Variants in ATP1A1 observed in about 807,000 individuals in gnomAD.
The protein encoded by ATP1A1 is ATPase Na+/K+ transporting subunit alpha 1.
A neutral mutation model predicts 114.8 loss-of-function variants in ATP1A1; 14 were observed. The observed-to-expected ratio is 0.12, with a 90% confidence interval of 0.08 to 0.19. ATP1A1 has a LOEUF of 0.19. Among genes scored for constraint, ATP1A1 ranks in the 10% least tolerant of loss-of-function variants. The probability of loss-of-function intolerance (pLI) is 1.00; values close to 1 mark genes in which losing one functional copy is unlikely to be tolerated. For missense variants in ATP1A1, 524 were observed against 1,290.7 expected, an observed-to-expected ratio of 0.41 and a Z score of 9.10; for synonymous variants, 471 against 466.3, an observed-to-expected ratio of 1.01 and a Z score of -0.13.
chr1:116,376,557 C>T (rs1205043137), intron 1 of ATP1A1, among the ~76,000 whole-genome samples: 3 of 152,180 alleles, frequency 2.0e-5, no homozygotes, highest in African/African-American at 2.4e-5. Flanking sequence ...AGTTGTTCAG[C>T]GTGTAACAGT....
chr1:116,383,190 G>C (rs1401314392), intron 1 of ATP1A1: 1 of 186,082 alleles, frequency 5.4e-6, no homozygotes, highest in East Asian at 1.9e-4. Flanking sequence ...TCCTGCTTAT[G>C]TCAAAACATT....
In ATP1A1 at chr1:116,399,223, A is replaced by G. The variant is rs1162868416; in HGVS notation, c.2448+139A>G. On this transcript the variant is annotated intron_variant, in intron 17 of 22. Transcript: ENST00000295598. This position sits in a 1 kb window ranked among gnomAD's most constrained non-coding sequence, Gnocchi z 5.0. ...GGACCAGTATCCAGTGTGTGTCCCA[A>G]TCCCGGCTTCACAGAATCAGTATTA... 1.4e-6 allele frequency: 2 copies of G among 1,395,918 alleles called. No homozygotes were observed. The highest frequency in any genetic ancestry group is 2.0e-6 in the Non-Finnish European group (2 of 1,017,696). 86.5% of individuals were successfully genotyped at this position (1,395,918 alleles called of 1,614,324 possible). A position where few individuals can be genotyped will look rare whatever the true frequency, so the allele number is the denominator to read the frequency against.
At chr1:116,391,162 C>T (rs932638463) in intron 10 of ATP1A1, among the ~76,000 whole-genome samples, 12 of 152,170 alleles carry the variant, frequency 7.9e-5, no homozygotes, top group African/African-American at 2.9e-4. Flanking sequence ...AGACGGAAGA[C>T]AGTCTTTATT....
intron 1 of ATP1A1, among the ~76,000 whole-genome samples, chr1:116,375,126 TAAAAGA>T (rs1180161474): frequency 1.3e-5 from 2 of 152,150 alleles, no homozygotes; most frequent in African/African-American, 4.8e-5. Context: ...TCTCCTGCCT[TAAAAGA>T]AAAAGAAAAA....
At chr1:116,396,873 C>T (rs899152565) in intron 14 of ATP1A1, 139 bp downstream of exon 14, 2 of 1,071,262 alleles carry the variant, frequency 1.9e-6, no homozygotes, top group Non-Finnish European at 2.5e-6. Flanking sequence ...AGAAAGCAAC[C>T]TTGTCATTCC....
intron 1 of ATP1A1, chr1:116,374,030 C>A: frequency 7.1e-7 from 1 of 1,409,138 alleles, no homozygotes; most frequent in South Asian, 1.6e-5. Flanking sequence ...GGCCTCCTCC[C>A]GGGCCTCCGT....
At position 116,387,261 on chromosome 1, in the gene ATP1A1, C is replaced by T; in HGVS notation, c.184-27C>T. 6.2e-7 allele frequency: 1 copy of T among 1,613,156 alleles called. No homozygotes were observed. Reference sequence around the variant, plus strand: ...GCCTTGTAAGTGCTGGTACAGTTTGCCTTATTTATATTCCACTGCTTCTCA... The same window carrying T: ...GCCTTGTAAGTGCTGGTACAGTTTGTCTTATTTATATTCCACTGCTTCTCA... On this transcript the variant is annotated intron_variant, in intron 3 of 22. Transcript: ENST00000295598. This position sits in a 1 kb window ranked among gnomAD's most constrained non-coding sequence, Gnocchi z 6.7.
intron 12 of ATP1A1, among the ~76,000 whole-genome samples, chr1:116,394,875 A>T (rs78051541): frequency 1.8e-3 from 275 of 152,246 alleles, no homozygotes; most frequent in African/African-American, 6.3e-3. Flanking sequence ...AACAATTTCC[A>T]ATTCCTTTGA....
chr1:116,381,701 C>T lies in ATP1A1; in HGVS notation c.13-2313C>T, dbSNP rs541643047. Among the ~76,000 whole-genome samples the T allele has an allele frequency of 4.6e-5, 7 of 152,252 alleles. No homozygotes were observed. In the East Asian group the frequency reaches 1.4e-3, roughly 29 times the overall value. The stretch of plus-strand genomic sequence containing the variant: ...TGTAAGTGGGGGTAAAACTTTGGAA[C>T]GTGTTCAAAGCCTAGCTGCTCTAGT... On this transcript the variant is annotated intron_variant, in intron 1 of 22. Transcript: ENST00000295598. The surrounding 1 kb of genome is among the most constrained non-coding windows in gnomAD (Gnocchi z 5.1).
chr1:116,400,497 A>C (rs1653362834), intron 18 of ATP1A1, among the ~76,000 whole-genome samples: 1 of 152,306 alleles, frequency 6.6e-6, no homozygotes, highest in East Asian at 1.9e-4. Flanking sequence ...GATGGAAAAG[A>C]AGTTATCATT....
intron 1 of ATP1A1, among the ~76,000 whole-genome samples, chr1:116,380,899 T>C (rs1184531003): frequency 6.6e-6 from 1 of 152,096 alleles, no homozygotes; most frequent in African/African-American, 2.4e-5. Flanking sequence ...TTGCTGTGAC[T>C]TTCCACTTCC....
Position 116,390,668 on chromosome 1 carries a change from T to A in ATP1A1, c.1223-114T>A, listed in dbSNP as rs186048994. 4.4e-5 allele frequency: 42 copies of A among 949,756 alleles called. 1 individual carries two copies. In the East Asian group the frequency reaches 1.0e-3, roughly 23 times the overall value. The allele number at this position is 949,756 out of a possible 1,614,324, so 58.8% of individuals were successfully genotyped here. ...CTAAAATGTGATTGGTTTCATTAATTGGGAAATGAGATGTATCACTGCAGA... is the reference window on the plus strand; with the variant it reads ...CTAAAATGTGATTGGTTTCATTAATAGGGAAATGAGATGTATCACTGCAGA... On this transcript the variant is annotated intron_variant, in intron 9 of 22. Transcript: ENST00000295598.
chr1:116,401,672 G>T lies in ATP1A1; in HGVS notation c.2951+17G>T, dbSNP rs1653491758. On this transcript the variant is annotated intron_variant, in intron 21 of 22. Coordinates refer to ENST00000295598, the MANE Select transcript of ATP1A1 (RefSeq NM_000701.8). The surrounding 1 kb of genome is among the most constrained non-coding windows in gnomAD (Gnocchi z 4.7). ...TCCCCTCAAGTAAGTTGATCCTCTG[G>T]TAGCTCCAAAAAGTATGAAATAGTA... 2.5e-6 allele frequency: 4 copies of T among 1,606,172 alleles called. No homozygotes were observed. Among genetic ancestry groups the T allele is most frequent in the Non-Finnish European group, 3.4e-6 (4 of 1,173,596 alleles).
In ATP1A1 at chr1:116,399,299, T is replaced by C; in HGVS notation, c.2449-121T>C. ...TTTGTTTATCAGATGGGAATCTTTA[T>C]TTTTGTATACTTCACCTAAAAGATT... On this transcript the variant is annotated intron_variant, in intron 17 of 22. Coordinates refer to ENST00000295598, the MANE Select transcript of ATP1A1 (RefSeq NM_000701.8). This position sits in a 1 kb window ranked among gnomAD's most constrained non-coding sequence, Gnocchi z 5.0. 1 of 1,436,352 alleles carries C rather than the reference T, an allele frequency of 7.0e-7. No individual in the cohort carries two copies. Among genetic ancestry groups the C allele is most frequent in the Non-Finnish European group, 9.5e-7 (1 of 1,058,164 alleles). The allele number at this position is 1,436,352 out of a possible 1,614,324, so 89.0% of individuals were successfully genotyped here.
Position 116,388,779 on chromosome 1 carries a change from CTTTTA to C in ATP1A1, c.636+13_636+17del, listed in dbSNP as rs1652262507. The stretch of plus-strand genomic sequence containing the variant: ...ATCTGCAAATGGCTGCAAGGTAGCT[CTTTTA>C]TTTTAACAAACCTCATAGCTAGCTC... On this transcript the variant is annotated splice_region_variant and intron_variant, in intron 6 of 22. Coordinates refer to ENST00000295598, the MANE Select transcript of ATP1A1 (RefSeq NM_000701.8). The surrounding 1 kb of genome is among the most constrained non-coding windows in gnomAD (Gnocchi z 5.6). The C allele has an allele frequency of 1.6e-5, 26 of 1,614,028 alleles. No individual in the cohort carries two copies. Among genetic ancestry groups the C allele is most frequent in the Non-Finnish European group, 2.2e-5 (26 of 1,179,962 alleles).
rs980742147 is a variant in ATP1A1, at chr1:116,401,882, A to G, written c.2951+227A>G. ...TTAGGATTTGGCCCAAGATAAGATA[A>G]AGCCACACAGGCTCTAGCTCCATGG... On this transcript the variant is annotated intron_variant, in intron 21 of 22. Transcript: ENST00000295598. The surrounding 1 kb of genome is among the most constrained non-coding windows in gnomAD (Gnocchi z 4.7). 3 of 574,510 alleles carry G rather than the reference A, an allele frequency of 5.2e-6. No homozygotes were observed. The highest frequency in any genetic ancestry group is 9.3e-6 in the Non-Finnish European group (3 of 324,268). The allele number at this position is 574,510 out of a possible 1,614,324, so 35.6% of individuals were successfully genotyped here.
rs756497821 is a variant in ATP1A1 at position 116,387,476 on chromosome 1, A to G, written c.372A>G (p.Glu124=). 6.2e-7 allele frequency: 1 copy of G among 1,614,212 alleles called. No individual in the cohort carries two copies. The highest frequency in any genetic ancestry group is 1.1e-5 in the South Asian group (1 of 91,080). The change falls in exon 4 of 23, where the codon GAA becomes GAG. Residue 124 remains glutamate (E), a synonymous_variant. Transcript: ENST00000295598. The surrounding 1 kb of genome is among the most constrained non-coding windows in gnomAD (Gnocchi z 6.7). ...GCATCCAAGCTGCTACAGAAGAGGA[A>G]CCTCAAAACGATAATGTGAGTTCTG... The part of the protein sequence containing the change: ...AYSIQAATEE[E]PQNDNLYLGV...
At chr1:116,400,713 C>G in intron 18 of ATP1A1, 148 bp from the exon 19 acceptor site, 1 of 953,342 alleles carries the variant, frequency 1.0e-6, no homozygotes. Flanking sequence ...CTGTGAGTGA[C>G]CAGGCAATTC....
rs140143533 is a variant in ATP1A1, at chr1:116,398,629, C to T, written c.2133C>T (p.Ile711=). ...IVEGCQRQGA[I]VAVTGDGVND... ...TCCCTTTTCTGGGGTAGGGTGCTAT[C>T]GTGGCTGTGACTGGTGACGGTGTGA... Residue 711 remains isoleucine, a synonymous_variant, in exon 16 of 23, where the codon ATC becomes ATT. Transcript: ENST00000295598. The surrounding 1 kb of genome is among the most constrained non-coding windows in gnomAD (Gnocchi z 6.1). 23 of 1,613,840 alleles carry T rather than the reference C, an allele frequency of 1.4e-5. No homozygotes were observed. In the East Asian group the frequency reaches 1.6e-4, roughly 11 times the overall value.
Sources: allele counts gnomAD v4.1 joint callset (sites outside exome capture counted in the v4.1 genomes callset), GRCh38; gene constraint gnomAD v4.1.1; non-coding constraint Gnocchi (gnomAD v3.1); transcripts MANE v1.5; gene names NCBI Gene and HGNC (gene_info 2026-07-23, HGNC 2026-07-21).